The following PUDP variants were observed in gnomAD, a reference collection of about 807,000 sequenced individuals.
The protein encoded by PUDP is pseudouridine 5'-phosphatase, also known as pseudouridine-5'-phosphatase.
In PUDP, 8 loss-of-function variants were observed where a neutral mutation model predicts 9.4. The ratio of observed to expected loss-of-function variants is 0.85; its 90% CI spans 0.50 to 1.53. The LOEUF (loss-of-function observed/expected upper bound fraction) is 1.53, where lower values mean the gene tolerates loss of function less well. Among genes scored for constraint, PUDP ranks in the 40% most tolerant of loss-of-function variants. The probability of loss-of-function intolerance (pLI) is 0.00; values close to 1 mark genes in which losing one functional copy is unlikely to be tolerated. For missense variants in PUDP, 188 were observed against 189.7 expected (o/e 0.99, Z 0.05); for synonymous variants, 99 against 80.7 (o/e 1.23, Z -1.22).
rs180991729 is a variant in PUDP, at chrX:6,764,637, C to T, written c.*248-58171G>A. On this transcript the variant is annotated intron_variant and NMD_transcript_variant, in intron 3 of 3. Coordinates refer to the PUDP transcript ENST00000655425. ...GCAGGACTTCTCAAAGCCTTTAGTA[C>T]GATACGATGAATGTGAATCAGCACA... Among the ~76,000 whole-genome samples the T allele has an allele frequency of 3.2e-3, 352 of 111,473 alleles. 2 individuals carry two copies. Among genetic ancestry groups the T allele is most frequent in the African/African-American group, 0.011 (335 of 30,631 alleles).
intron 3 of PUDP, among the ~76,000 whole-genome samples, chrX:6,968,643 C>CT (rs554779101): frequency 5.4e-4 from 57 of 106,258 alleles, no homozygotes; most frequent in Middle Eastern, 9.8e-3. Context: ...TCTTTCTCTC[C>CT]TTTTTTTTTT....
chrX:7,145,255 G>C (rs1932836234), intron 1 of PUDP, among the ~76,000 whole-genome samples: 1 of 111,972 alleles, frequency 8.9e-6, no homozygotes, highest in South Asian at 3.7e-4. Context: ...AATGTCATCT[G>C]TATCTTTTTA....
At chrX:7,105,538 C>A in intron 2 of PUDP, 82 bp downstream of exon 2, 1 of 688,747 alleles carries the variant, frequency 1.5e-6, no homozygotes, top group South Asian at 2.9e-5. Context: ...TAAGCATGCC[C>A]TATGCTAGAC....
intron 3 of PUDP, among the ~76,000 whole-genome samples, chrX:6,734,179 T>C (rs755906882): frequency 1.1e-4 from 12 of 111,515 alleles, no homozygotes; most frequent in African/African-American, 1.6e-4. Context: ...TCAAGAATGT[T>C]GCCTTGTTGA....
chrX:6,720,258 G>GTGTGTATA (rs1555907522), intron 1 of PUDP, among the ~76,000 whole-genome samples: 15 of 48,801 alleles, frequency 3.1e-4, no homozygotes, highest in African/African-American at 1.5e-3. Context: ...GTGTGTGTGT[G>GTGTGTATA]TATATATATA....
At chrX:7,117,060 C>G in intron 1 of PUDP, 1 of 1,164,054 alleles carries the variant, frequency 8.6e-7, no homozygotes, top group Non-Finnish European at 1.1e-6. Flanking sequence ...CCAATTAAAC[C>G]GTTGTTCTTC....
chrX:6,829,530 C>T (rs1213256258), intron 3 of PUDP, among the ~76,000 whole-genome samples: 3 of 112,074 alleles, frequency 2.7e-5, no homozygotes, highest in Non-Finnish European at 5.6e-5. Context: ...CACATCCTCA[C>T]TAGCATTTGG....
rs576221006 is a variant in PUDP, at chrX:6,790,238, T to C, written c.*248-83772A>G. ...TGGATAGAATGATGGATATGATATATAGATGGAGAAGGAAATAAAAATATT... is the reference window on the plus strand; with the variant it reads ...TGGATAGAATGATGGATATGATATACAGATGGAGAAGGAAATAAAAATATT... On this transcript the variant is annotated intron_variant and NMD_transcript_variant, in intron 3 of 3. Transcript: ENST00000655425. Among the ~76,000 whole-genome samples, 5 of 111,459 alleles carry C rather than the reference T, an allele frequency of 4.5e-5. No homozygotes were observed. The South Asian group carries it at 1.9e-3, about 42-fold the overall frequency.
chrX:6,795,953 G>A (rs1925837543), intron 3 of PUDP, among the ~76,000 whole-genome samples: 1 of 112,035 alleles, frequency 8.9e-6, no homozygotes, highest in Non-Finnish European at 1.9e-5. Context: ...AATTAGGCCT[G>A]TAGCTATGCA....
At chrX:6,896,741 T>G (rs1424318599) in intron 3 of PUDP, among the ~76,000 whole-genome samples, 3 of 111,719 alleles carry the variant, frequency 2.7e-5, no homozygotes, top group African/African-American at 9.8e-5. Flanking sequence ...GGAGTTAAAT[T>G]TTAATGTGAC....
intron 3 of PUDP, among the ~76,000 whole-genome samples, chrX:6,823,244 G>A (rs1926375003): frequency 9.0e-6 from 1 of 111,394 alleles, no homozygotes; most frequent in Non-Finnish European, 1.9e-5. Flanking sequence ...TACCTCGATA[G>A]ATATATCTTT....
At chrX:6,872,517 G>C (rs764924326) in intron 3 of PUDP, among the ~76,000 whole-genome samples, 2 of 108,879 alleles carry the variant, frequency 1.8e-5, no homozygotes, top group African/African-American at 6.7e-5. Flanking sequence ...TGGGCAACAC[G>C]GTGAAACCCT....
At chrX:6,940,006 T>C (rs760268174) in intron 3 of PUDP, among the ~76,000 whole-genome samples, 2 of 113,039 alleles carry the variant, frequency 1.8e-5, no homozygotes, top group Non-Finnish European at 1.9e-5. Flanking sequence ...GTTGGCATCA[T>C]TCCTTCTATA....
intron 3 of PUDP, among the ~76,000 whole-genome samples, chrX:6,878,369 CTT>C (rs11447707): frequency 7.1e-5 from 7 of 99,036 alleles, no homozygotes; most frequent in Non-Finnish European, 8.2e-5. Context: ...GTTTTCCTGG[CTT>C]TTTTTTTTTT....
At chrX:6,889,433 G>A (rs1033675903) in intron 3 of PUDP, among the ~76,000 whole-genome samples, 3 of 111,561 alleles carry the variant, frequency 2.7e-5, no homozygotes, top group African/African-American at 6.5e-5. Context: ...CTCCCAAAGC[G>A]CTGAGATTAC....
chrX:7,080,921 A>G (rs1931064948), intron 2 of PUDP, among the ~76,000 whole-genome samples: 1 of 108,494 alleles, frequency 9.2e-6, no homozygotes, highest in Non-Finnish European at 1.9e-5. Context: ...TCCATCTCAA[A>G]AAAAAAAAAA....
At chrX:6,881,887 C>G (rs988764015) in intron 3 of PUDP, among the ~76,000 whole-genome samples, 13 of 111,427 alleles carry the variant, frequency 1.2e-4, no homozygotes, top group Non-Finnish European at 5.6e-5. Context: ...TTAGCTCCCA[C>G]TCCAAACAAC....
intron 3 of PUDP, among the ~76,000 whole-genome samples, chrX:6,787,633 T>C (rs1344604179): frequency 1.8e-5 from 2 of 112,497 alleles, no homozygotes; most frequent in Admixed American, 9.4e-5. Context: ...TTTTTCACAA[T>C]TTCCTGATGT....
At chrX:7,137,095 G>C (rs1308566914) in intron 1 of PUDP, among the ~76,000 whole-genome samples, 1 of 110,746 alleles carries the variant, frequency 9.0e-6, no homozygotes, top group Admixed American at 9.6e-5. Context: ...CAAAAAATTA[G>C]CTGGGTGTGG....
Sources: gnomAD v4.1 joint callset for allele counts (sites outside exome capture counted in the v4.1 genomes callset) on GRCh38, gnomAD v4.1.1 for gene constraint, MANE v1.5 for transcripts, NCBI Gene and HGNC (gene_info 2026-07-23, HGNC 2026-07-21) for gene names.